Variants in ITGA9 observed in about 807,000 individuals in gnomAD.
ITGA9 encodes the protein integrin subunit alpha 9.
A neutral mutation model predicts 127.8 loss-of-function variants in ITGA9; 56 were observed. The observed-to-expected ratio is 0.44, with a 90% CI of 0.35 to 0.55. The LOEUF (loss-of-function observed/expected upper bound fraction) is 0.55, where lower values mean the gene tolerates loss of function less well. Ranked by LOEUF, ITGA9 falls within the 20% of genes least tolerant of loss-of-function variation. ITGA9 has a pLI of 0.00. For synonymous variants in ITGA9, 508 were observed against 514.5 expected (o/e 0.99, Z 0.17); for missense variants, 1,196 against 1,347.1 (o/e 0.89, Z 1.76).
intron 18 of ITGA9, among the ~76,000 whole-genome samples, chr3:37,717,325 T>C (rs1701145517): frequency 6.6e-6 from 1 of 152,254 alleles, no homozygotes. Flanking sequence ...AACCCTTAGC[T>C]ACATCAGGCA....
At chr3:37,503,332 TAAGA>T in intron 6 of ITGA9, 25 bp downstream of exon 6, 1 of 1,612,778 alleles carries the variant, frequency 6.2e-7, no homozygotes, top group Non-Finnish European at 8.5e-7. Flanking sequence ...AGAGAACAGG[TAAGA>T]AAGGGGAAAT....
intron 15 of ITGA9, among the ~76,000 whole-genome samples, chr3:37,589,222 G>GACT (rs1322165982): frequency 6.6e-6 from 1 of 152,208 alleles, no homozygotes. Context: ...TAGCCACTGT[G>GACT]ACTGGAGCTG....
At chr3:37,590,598 C>T (rs1271152850) in intron 15 of ITGA9, among the ~76,000 whole-genome samples, 1 of 152,218 alleles carries the variant, frequency 6.6e-6, no homozygotes, top group East Asian at 1.9e-4. Context: ...TCAGTCCAGA[C>T]ACCCTCCAAG....
chr3:37,485,381 G>T (rs1189197553), intron 4 of ITGA9, among the ~76,000 whole-genome samples: 1 of 152,034 alleles, frequency 6.6e-6, no homozygotes, highest in Non-Finnish European at 1.5e-5. Context: ...GAAAGACCGT[G>T]GGAGGGGCTG....
chr3:37,689,801 A>T (rs934618009), intron 18 of ITGA9, among the ~76,000 whole-genome samples: 5 of 152,146 alleles, frequency 3.3e-5, no homozygotes, highest in Non-Finnish European at 7.4e-5. Context: ...GGCACAAAGG[A>T]CTTTGGCTCT....
At position 37,683,609 on chromosome 3, in the gene ITGA9, A is replaced by G. The variant is rs577343696; in HGVS notation, c.1917-256A>G. Among the ~76,000 whole-genome samples, 78 of 152,302 alleles carry G rather than the reference A, an allele frequency of 5.1e-4. 4 individuals are homozygous for G. Among genetic ancestry groups the G allele is most frequent in the Admixed American group, 5.0e-3 (77 of 15,304 alleles). On this transcript the variant is annotated intron_variant, in intron 17 of 27. Transcript: ENST00000264741. ...TTGTTAAGTGCCTTATAGTTTTTGA[A>G]GTTTGATGTACAAGATTTCATGTGA... is the stretch of plus-strand genomic sequence containing the variant.
intron 15 of ITGA9, among the ~76,000 whole-genome samples, chr3:37,565,304 G>A (rs1435174407): frequency 6.6e-6 from 1 of 152,202 alleles, no homozygotes; most frequent in Non-Finnish European, 1.5e-5. Context: ...AAGCTAGGTT[G>A]GCAGATGCAA....
chr3:37,618,464 G>T (rs1700096577), intron 15 of ITGA9, among the ~76,000 whole-genome samples: 1 of 152,158 alleles, frequency 6.6e-6, no homozygotes, highest in Admixed American at 6.5e-5. Context: ...CTGCCTGCTG[G>T]GAGAACCACT....
At chr3:37,668,333 T>C (rs778709366) in intron 17 of ITGA9, among the ~76,000 whole-genome samples, 1 of 152,208 alleles carries the variant, frequency 6.6e-6, no homozygotes, top group Non-Finnish European at 1.5e-5. Flanking sequence ...GTGTGCCTGA[T>C]AAAATTTTTT....
intron 16 of ITGA9, among the ~76,000 whole-genome samples, chr3:37,643,494 T>C (rs1700351073): frequency 7.2e-6 from 1 of 139,318 alleles, no homozygotes; most frequent in Non-Finnish European, 1.5e-5. Flanking sequence ...TTTTTCAGTG[T>C]TATGTTTTAT....
intron 15 of ITGA9, among the ~76,000 whole-genome samples, chr3:37,568,904 C>T (rs1292569095): frequency 3.9e-5 from 6 of 152,182 alleles, no homozygotes; most frequent in African/African-American, 1.4e-4. Flanking sequence ...CCAACCTCTG[C>T]CTGTTACCCA....
At chr3:37,710,753 A>T (rs1171680944) in intron 18 of ITGA9, among the ~76,000 whole-genome samples, 1 of 152,160 alleles carries the variant, frequency 6.6e-6, no homozygotes, top group Non-Finnish European at 1.5e-5. Flanking sequence ...ACCCCACTTA[A>T]TGGCCAAAAT....
intron 1 of ITGA9, among the ~76,000 whole-genome samples, chr3:37,455,049 T>C (rs1268532647): frequency 2.6e-5 from 4 of 152,226 alleles, no homozygotes; most frequent in Admixed American, 2.0e-4. Flanking sequence ...TATAATTTTA[T>C]GTTAATTTTC....
intron 23 of ITGA9, among the ~76,000 whole-genome samples, chr3:37,760,754 C>T (rs893077598): frequency 3.3e-5 from 5 of 152,046 alleles, no homozygotes; most frequent in Admixed American, 2.0e-4. Flanking sequence ...AGATGGGAAG[C>T]TCTTCTTCCT....
intron 13 of ITGA9, among the ~76,000 whole-genome samples, chr3:37,528,941 T>C (rs529739226): frequency 6.6e-6 from 1 of 152,316 alleles, no homozygotes; most frequent in Non-Finnish European, 1.5e-5. Context: ...AGACAACCAC[T>C]GTTCTGACTT....
At chr3:37,790,629 G>C (rs912652875) in intron 26 of ITGA9, 9 of 217,914 alleles carry the variant, frequency 4.1e-5, no homozygotes, top group Admixed American at 2.1e-4. Context: ...ATAGATTCTT[G>C]AGGCTTTGCC....
At chr3:37,507,849 T>G (rs1217137620) in intron 7 of ITGA9, among the ~76,000 whole-genome samples, 1 of 152,180 alleles carries the variant, frequency 6.6e-6, no homozygotes, top group Non-Finnish European at 1.5e-5. Flanking sequence ...TTTACACTGG[T>G]TCTCATGAGA....
chr3:37,664,984 T>G (rs1700572252), intron 17 of ITGA9, among the ~76,000 whole-genome samples: 1 of 151,294 alleles, frequency 6.6e-6, no homozygotes, highest in South Asian at 2.1e-4. Flanking sequence ...TTTTTTTTTT[T>G]TTTTTTAGAT....
At chr3:37,612,773 T>G (rs1169944747) in intron 15 of ITGA9, among the ~76,000 whole-genome samples, 2 of 152,232 alleles carry the variant, frequency 1.3e-5, no homozygotes, top group Non-Finnish European at 2.9e-5. Flanking sequence ...TCATTACTAA[T>G]CTGTGGATAG....
Sources: allele counts gnomAD v4.1 joint callset (sites outside exome capture counted in the v4.1 genomes callset), GRCh38; gene constraint gnomAD v4.1.1; transcripts MANE v1.5; gene names NCBI Gene and HGNC (gene_info 2026-07-23, HGNC 2026-07-21).